Variants in VIPR1 observed in about 807,000 individuals in gnomAD.
VIPR1 encodes the protein vasoactive intestinal peptide receptor 1.
Under a neutral mutation model 58.8 loss-of-function variants are expected in VIPR1, and 59 were observed. That is an observed-to-expected ratio of 1.00 (90% CI 0.81 to 1.25). The LOEUF is 1.25. VIPR1 is among the 50% of genes most tolerant of loss of function. VIPR1 has a pLI of 0.00. For synonymous variants in VIPR1, 251 were observed against 242.1 expected (o/e 1.04, Z -0.34); for missense variants, 626 against 602.7 (o/e 1.04, Z -0.40).
chr3:42,513,691 C>A, intron 1 of VIPR1, 58 bp from the exon 2 acceptor site: 2 of 1,519,058 alleles, frequency 1.3e-6, no homozygotes, highest in South Asian at 1.2e-5. Context: ...AGAGACTGGG[C>A]CTGGTGCTCC....
At chr3:42,512,950 G>T (rs926973408) in intron 1 of VIPR1, 2 of 985,422 alleles carry the variant, frequency 2.0e-6, no homozygotes, top group East Asian at 1.1e-4. Flanking sequence ...CTTCCACAAG[G>T]TCAGTGACCC....
At chr3:42,507,653 G>A (rs1700175864) in intron 1 of VIPR1, among the ~76,000 whole-genome samples, 1 of 152,124 alleles carries the variant, frequency 6.6e-6, no homozygotes, top group Non-Finnish European at 1.5e-5. Context: ...AGCAGCAGAG[G>A]ATTTAAACTA....
intron 2 of VIPR1, among the ~76,000 whole-genome samples, chr3:42,518,278 A>G (rs530104209): frequency 1.3e-5 from 2 of 152,240 alleles, no homozygotes; most frequent in African/African-American, 4.8e-5. Flanking sequence ...AGGTAGTTGT[A>G]TCGGTGACTC....
chr3:42,524,861 T>C (rs2267538), intron 3 of VIPR1, among the ~76,000 whole-genome samples: 32,287 of 152,066 alleles, frequency 0.21, 4,627 homozygotes, highest in African/African-American at 0.4. Flanking sequence ...AACCAACCTC[T>C]TGGGGCCTCC....
chr3:42,495,863 A>G (rs1250184140), intron 1 of VIPR1, among the ~76,000 whole-genome samples: 1 of 151,990 alleles, frequency 6.6e-6, no homozygotes, highest in Non-Finnish European at 1.5e-5. Context: ...AAAACTGAAC[A>G]ACCTGACTGA....
chr3:42,507,956 C>CAAAAAAAAAAAAAAAAAAAAAAAAA (rs58978493), intron 1 of VIPR1: 1 of 109,370 alleles, frequency 9.1e-6, no homozygotes. Context: ...GTGAGGCTGG[C>CAAAAAAAAAAAAAAAAAAAAAAAAA]AAAAAAAAAA....
chr3:42,522,773 C>A (rs1451154295), intron 3 of VIPR1, among the ~76,000 whole-genome samples: 1 of 152,130 alleles, frequency 6.6e-6, no homozygotes, highest in Non-Finnish European at 1.5e-5. Context: ...GAAGCTGGGA[C>A]AGGACTGGTG....
intron 1 of VIPR1, chr3:42,506,938 CA>C (rs1700145181): frequency 6.6e-6 from 1 of 152,142 alleles, no homozygotes; most frequent in African/African-American, 2.4e-5. Flanking sequence ...GCAGAGACAA[CA>C]TTATAATGAA....
At chr3:42,491,559 ATTTTTTGTTTGTTTGTTTG>A (rs1699664896) in intron 1 of VIPR1, among the ~76,000 whole-genome samples, 1 of 151,906 alleles carries the variant, frequency 6.6e-6, no homozygotes, top group Admixed American at 6.6e-5. Flanking sequence ...TTCTTTCTTT[ATTTTTTGTTTGTTTGTTTG>A]TTTTTTGTTT....
upstream of VIPR1, chr3:42,500,308 C>T (rs1053769097): frequency 2.0e-5 from 3 of 152,192 alleles, no homozygotes; most frequent in African/African-American, 4.8e-5. Flanking sequence ...TAGCCAGTCC[C>T]TCTCCCTCCC....
chr3:42,511,817 A>G (rs1268695747), intron 1 of VIPR1: 1 of 152,144 alleles, frequency 6.6e-6, no homozygotes, highest in Non-Finnish European at 1.5e-5. Context: ...CACCTCTGAG[A>G]TCTTCCTGGC....
At chr3:42,497,473 C>T (rs7620195) in intron 1 of VIPR1, among the ~76,000 whole-genome samples, 111 of 152,310 alleles carry the variant, frequency 7.3e-4, no homozygotes, top group African/African-American at 2.6e-3. Flanking sequence ...CGCACACACA[C>T]ACGCACACTG....
intron 3 of VIPR1, among the ~76,000 whole-genome samples, chr3:42,522,111 T>G (rs1349266008): frequency 5.3e-5 from 3 of 56,860 alleles, no homozygotes; most frequent in African/African-American, 1.7e-4. Context: ...ATTTTTTTTT[T>G]TTTTTTTTTT....
intron 3 of VIPR1, among the ~76,000 whole-genome samples, chr3:42,519,676 C>T (rs1473344054): frequency 6.6e-6 from 1 of 152,208 alleles, no homozygotes; most frequent in Admixed American, 6.5e-5. Context: ...ACCTCTTGGG[C>T]TCCATGAAGC....
intron 1 of VIPR1, among the ~76,000 whole-genome samples, chr3:42,503,711 T>A (rs1248426825): frequency 6.6e-6 from 1 of 152,114 alleles, no homozygotes; most frequent in Non-Finnish European, 1.5e-5. Flanking sequence ...ATTTTACAGA[T>A]GGGCAAAGCG....
rs1225534025 is a variant in VIPR1 at position 42,513,789 on chromosome 3, T to G, written c.119T>G (p.Val40Gly). ...AGGCTGCAGGAGGAGTGTGACTATG[T>G]GCAGATGATCGAGGTGCAGCACAAG... ...AARLQEECDY[V>G]QMIEVQHKQC... The change falls in exon 2 of 13, where the codon GTG becomes GGG. Residue 40 changes from valine to glycine, a missense_variant. Physicochemically the swap from Val to Gly is moderately radical, Grantham distance 109 (BLOSUM62 -3). Coordinates refer to ENST00000325123, the MANE Select transcript of VIPR1 (RefSeq NM_004624.4). The G allele has an allele frequency of 1.3e-6, 2 of 1,551,482 alleles. No individual in the cohort carries two copies. The highest frequency in any genetic ancestry group is 8.7e-7 in the Non-Finnish European group (1 of 1,146,946).
Position 42,531,838 on chromosome 3 carries a change from T to A in VIPR1, c.887T>A (p.Ile296Asn), listed in dbSNP as rs1701573146. The change falls in exon 9 of 13, where the codon ATC (isoleucine) becomes AAC (asparagine). Residue 296 changes from isoleucine (I) to asparagine (N), a missense_variant. Transcript: ENST00000325123. The stretch of plus-strand genomic sequence containing the variant: ...ACCATCAACTCCTCACTGTGGTGGA[T>A]CATAAAGGGCCCCATCCTCACCTCC... ...WDTINSSLWW[I>N]IKGPILTSIL... The A allele has an allele frequency of 1.9e-6, 3 of 1,613,900 alleles. No individual in the cohort carries two copies. The African/African-American group carries it at 4.0e-5, about 22-fold the overall frequency.
chr3:42,512,774 G>T, intron 1 of VIPR1: 1 of 985,466 alleles, frequency 1.0e-6, no homozygotes, highest in Non-Finnish European at 1.2e-6. Context: ...AACTGGTGTG[G>T]GGTTGCCGGG....
intron 1 of VIPR1, among the ~76,000 whole-genome samples, chr3:42,492,795 C>T (rs1382507155): frequency 1.3e-5 from 2 of 152,204 alleles, no homozygotes; most frequent in East Asian, 1.9e-4. Context: ...CTACCTGCTC[C>T]CCACCTCCCA....
Sources: gnomAD v4.1 joint callset for allele counts (sites outside exome capture counted in the v4.1 genomes callset) on GRCh38, gnomAD v4.1.1 for gene constraint, MANE v1.5 for transcripts, NCBI Gene and HGNC (gene_info 2026-07-23, HGNC 2026-07-21) for gene names.